FAR2: variants seen among roughly 807,000 people sequenced by gnomAD.
FAR2 encodes fatty acyl-CoA reductase 2.
A neutral mutation model predicts 56.0 loss-of-function variants in FAR2; 19 were observed. The observed-to-expected ratio is 0.34, with a 90% CI of 0.24 to 0.50. The LOEUF (loss-of-function observed/expected upper bound fraction) is 0.50, where lower values mean the gene tolerates loss of function less well. FAR2 is among the 20% of genes least tolerant of loss of function. The pLI is 0.98. For synonymous variants in FAR2, 219 were observed against 218.8 expected (o/e 1.00, Z -0.01); for missense variants, 508 against 642.2 (o/e 0.79, Z 2.26).
At chr12:29,195,385 T>C (rs531567042) in intron 1 of FAR2, among the ~76,000 whole-genome samples, 182 of 152,330 alleles carry the variant, frequency 1.2e-3, no homozygotes, top group Non-Finnish European at 2.3e-3. Context: ...TCATCCTGAA[T>C]GTTATTACAA....
At chr12:29,214,317 C>G (rs776278133) in intron 1 of FAR2, among the ~76,000 whole-genome samples, 1 of 152,186 alleles carries the variant, frequency 6.6e-6, no homozygotes, top group Non-Finnish European at 1.5e-5. Flanking sequence ...ATTACACACT[C>G]TAAATGAAGA....
intron 2 of FAR2, among the ~76,000 whole-genome samples, chr12:29,271,965 C>A (rs1214134783): frequency 6.6e-6 from 1 of 152,224 alleles, no homozygotes; most frequent in Admixed American, 6.5e-5. Context: ...GGCCAGCACA[C>A]TTGCTCCTGC....
intron 1 of FAR2, chr12:29,151,595 T>G (rs1278635431): frequency 6.6e-6 from 1 of 152,220 alleles, no homozygotes; most frequent in African/African-American, 2.4e-5. Context: ...CATTTTGAAC[T>G]GGGTCCTACA....
At chr12:29,188,793 T>C (rs1950071390) in intron 1 of FAR2, among the ~76,000 whole-genome samples, 1 of 151,746 alleles carries the variant, frequency 6.6e-6, no homozygotes, top group African/African-American at 2.4e-5. Context: ...TTTTTTTTCA[T>C]GACCCTGACA....
At chr12:29,211,841 T>C (rs7969699) in intron 1 of FAR2, among the ~76,000 whole-genome samples, 25,769 of 149,082 alleles carry the variant, frequency 0.17, 2,307 homozygotes, top group Non-Finnish European at 0.21. Context: ...TAAGCCGAGG[T>C]CATCCCAAAG....
intron 1 of FAR2, among the ~76,000 whole-genome samples, chr12:29,207,200 C>T (rs934268738): frequency 6.6e-6 from 1 of 152,170 alleles, no homozygotes; most frequent in African/African-American, 2.4e-5. Context: ...CTGACTTTTT[C>T]AGCTGGAGAA....
intron 1 of FAR2, among the ~76,000 whole-genome samples, chr12:29,263,560 A>G (rs1412458519): frequency 6.6e-6 from 1 of 152,056 alleles, no homozygotes; most frequent in Non-Finnish European, 1.5e-5. Context: ...CAGTGGGTCA[A>G]TGAAGAAATT....
intron 1 of FAR2, among the ~76,000 whole-genome samples, chr12:29,252,007 G>GC (rs1433272599): frequency 1.3e-5 from 2 of 152,130 alleles, no homozygotes; most frequent in African/African-American, 2.4e-5. Context: ...GAGAAATGCT[G>GC]CCACAAAGAG....
chr12:29,170,094 C>T (rs968402586), intron 1 of FAR2, among the ~76,000 whole-genome samples: 15 of 152,232 alleles, frequency 9.9e-5, no homozygotes, highest in African/African-American at 3.6e-4. Context: ...GTATAGATGG[C>T]TCCTTCCTGA....
At chr12:29,232,792 AAC>A (rs149919184) in intron 1 of FAR2, among the ~76,000 whole-genome samples, 6 of 147,928 alleles carry the variant, frequency 4.1e-5, no homozygotes, top group Admixed American at 1.3e-4. Flanking sequence ...TGACCCAACA[AAC>A]ACACACACAC....
chr12:29,204,504 A>C (rs1208784313), intron 1 of FAR2, among the ~76,000 whole-genome samples: 1 of 152,238 alleles, frequency 6.6e-6, no homozygotes, highest in Non-Finnish European at 1.5e-5. Flanking sequence ...TGTAAAGCAG[A>C]AACTATCTTT....
intron 1 of FAR2, among the ~76,000 whole-genome samples, chr12:29,169,613 G>A (rs1185230130): frequency 6.6e-6 from 1 of 152,158 alleles, no homozygotes; most frequent in Non-Finnish European, 1.5e-5. Context: ...TGACTGGTTA[G>A]TGTAAAAACA....
At chr12:29,183,602 A>G (rs923764131) in intron 1 of FAR2, among the ~76,000 whole-genome samples, 3 of 152,184 alleles carry the variant, frequency 2.0e-5, no homozygotes, top group Non-Finnish European at 4.4e-5. Flanking sequence ...TACTTTCTAA[A>G]TGCATCTGGA....
chr12:29,157,543 A>G (rs947885227), intron 1 of FAR2, among the ~76,000 whole-genome samples: 1 of 152,174 alleles, frequency 6.6e-6, no homozygotes, highest in Non-Finnish European at 1.5e-5. Context: ...TCATCCTTCC[A>G]TCTTAGCTGG....
intron 1 of FAR2, among the ~76,000 whole-genome samples, chr12:29,231,709 A>G (rs1217451449): frequency 6.6e-6 from 1 of 152,210 alleles, no homozygotes; most frequent in East Asian, 1.9e-4. Context: ...TACGAAGAGG[A>G]ACAGCTTTTC....
intron 4 of FAR2, among the ~76,000 whole-genome samples, chr12:29,307,134 A>T (rs979389469): frequency 1.1e-4 from 16 of 152,158 alleles, no homozygotes; most frequent in African/African-American, 3.4e-4. Context: ...TGAACACAGC[A>T]TGCAGCACAC....
chr12:29,244,968 G>A (rs1257991867), intron 1 of FAR2, among the ~76,000 whole-genome samples: 1 of 150,042 alleles, frequency 6.7e-6, no homozygotes, highest in Admixed American at 6.7e-5. Context: ...TGTAAAACAC[G>A]CCAGTTTCTG....
intron 4 of FAR2, among the ~76,000 whole-genome samples, chr12:29,300,171 G>A (rs1949139539): frequency 6.6e-6 from 1 of 152,192 alleles, no homozygotes; most frequent in Admixed American, 6.6e-5. Flanking sequence ...ATAGATGACA[G>A]AATTCTGTAA....
chr12:29,267,026 G>A (rs986817599), intron 1 of FAR2, among the ~76,000 whole-genome samples: 2 of 152,226 alleles, frequency 1.3e-5, no homozygotes, highest in Non-Finnish European at 2.9e-5. Flanking sequence ...CTGTTTTTGT[G>A]CCAACCACAT....
Sources: gnomAD v4.1 joint callset for allele counts (sites outside exome capture counted in the v4.1 genomes callset) on GRCh38, gnomAD v4.1.1 for gene constraint, MANE v1.5 for transcripts, NCBI Gene and HGNC (gene_info 2026-07-23, HGNC 2026-07-21) for gene names.